The following HAT1 variants were observed in gnomAD, a reference collection of about 807,000 sequenced individuals.
The protein encoded by HAT1 is histone acetyltransferase type B catalytic subunit.
Under a neutral mutation model 56.6 loss-of-function variants are expected in HAT1, and 20 were observed. The ratio of observed to expected loss-of-function variants is 0.35; its 90% CI spans 0.25 to 0.51. The LOEUF is 0.51. HAT1 is among the 20% of genes least tolerant of loss of function. The pLI, the probability that HAT1 is intolerant of heterozygous loss-of-function variation, is 0.95. For missense variants in HAT1, 408 were observed against 504.3 expected, an observed-to-expected ratio of 0.81 and a Z score of 1.83; for synonymous variants, 146 against 165.5, an observed-to-expected ratio of 0.88 and a Z score of 0.91.
At chr2:171,956,002 G>A (rs1317230802) in intron 4 of HAT1, among the ~76,000 whole-genome samples, 4 of 151,580 alleles carry the variant, frequency 2.6e-5, no homozygotes, top group African/African-American at 9.7e-5. Context: ...CCGATATCGC[G>A]CCACTGCACT....
intron 8 of HAT1, among the ~76,000 whole-genome samples, chr2:171,970,500 T>A (rs1236082903): frequency 1.8e-4 from 1 of 5,590 alleles, no homozygotes; most frequent in African/African-American, 3.2e-4. Context: ...CAGTTTCTTT[T>A]TTTTTTTTTT....
At chr2:171,959,017 A>G (rs1687513422) in intron 4 of HAT1, among the ~76,000 whole-genome samples, 2 of 152,162 alleles carry the variant, frequency 1.3e-5, no homozygotes, top group East Asian at 3.9e-4. Flanking sequence ...CTTCCCAGCC[A>G]TGTTTGAGAT....
At chr2:171,974,788 G>C (rs1387032025) in intron 8 of HAT1, among the ~76,000 whole-genome samples, 1 of 152,166 alleles carries the variant, frequency 6.6e-6, no homozygotes, top group East Asian at 1.9e-4. Context: ...ATCATGAATT[G>C]ATGTTGGATT....
chr2:171,956,307 A>C (rs1687444703), intron 4 of HAT1, among the ~76,000 whole-genome samples: 1 of 149,576 alleles, frequency 6.7e-6, no homozygotes, highest in African/African-American at 2.4e-5. Context: ...GTATGGCGAA[A>C]ACCCATCTCT....
intron 8 of HAT1, among the ~76,000 whole-genome samples, chr2:171,973,350 A>G (rs1049011675): frequency 6.7e-6 from 1 of 148,242 alleles, no homozygotes; most frequent in African/African-American, 2.5e-5. Flanking sequence ...TTTGTTTATA[A>G]TGTCCCTTGT....
At chr2:171,978,922 CAAAA>C (rs3838506) in intron 9 of HAT1, among the ~76,000 whole-genome samples, 1 of 69,174 alleles carries the variant, frequency 1.4e-5, no homozygotes, top group Non-Finnish European at 2.8e-5. Context: ...CCCATTTCTA[CAAAA>C]AAAAAAAAAA....
intron 3 of HAT1, among the ~76,000 whole-genome samples, chr2:171,950,131 T>C (rs1331389509): frequency 6.6e-6 from 1 of 152,174 alleles, no homozygotes; most frequent in African/African-American, 2.4e-5. Context: ...TTTAACATCA[T>C]TGACATATTT....
At chr2:171,976,135 T>G in intron 8 of HAT1, 22 bp from the exon 9 acceptor site, 1 of 1,337,884 alleles carries the variant, frequency 7.5e-7, no homozygotes, top group Non-Finnish European at 9.8e-7. Flanking sequence ...AATGTTAATA[T>G]TATTCTGCTT....
intron 2 of HAT1, among the ~76,000 whole-genome samples, chr2:171,934,450 AAGTT>A (rs1229557538): frequency 2.6e-5 from 4 of 152,206 alleles, no homozygotes; most frequent in Non-Finnish European, 5.9e-5. Flanking sequence ...TTGCTGCAGT[AAGTT>A]AGAAGGTGTA....
chr2:171,942,982 T>G (rs1687055832), intron 2 of HAT1, among the ~76,000 whole-genome samples: 1 of 152,152 alleles, frequency 6.6e-6, no homozygotes, highest in Non-Finnish European at 1.5e-5. Flanking sequence ...GAAAATTAAT[T>G]TTTCACAATT....
intron 2 of HAT1, among the ~76,000 whole-genome samples, chr2:171,928,047 C>G (rs190867562): frequency 6.6e-6 from 1 of 152,222 alleles, no homozygotes; most frequent in African/African-American, 2.4e-5. Flanking sequence ...TCACCACACC[C>G]AGCTGATTTT....
rs1265077121 is a variant in HAT1, at chr2:171,979,295, A to G, written c.1024A>G (p.Met342Val). ...AATTCTTCGACTACTGGTAACTGACATGAGTGATGCCGAACAATACAGAAG... is the reference window on the plus strand; with the variant it reads ...AATTCTTCGACTACTGGTAACTGACGTGAGTGATGCCGAACAATACAGAAG... Reference protein sequence around the residue: ...YEILRLLVTDMSDAEQYRSYR... With the variant: ...YEILRLLVTDVSDAEQYRSYR... Residue 342 changes from methionine to valine, a missense_variant, in exon 10 of 11, where the codon ATG becomes GTG. Transcript: ENST00000264108. 1.2e-6 allele frequency: 2 copies of G among 1,607,318 alleles called. No homozygotes were observed. The highest frequency in any genetic ancestry group is 2.7e-5 in the African/African-American group (2 of 74,692).
chr2:171,946,609 G>C (rs2105319402), intron 2 of HAT1, 99 bp from the exon 3 acceptor site: 2 of 711,472 alleles, frequency 2.8e-6, no homozygotes, highest in East Asian at 5.4e-5. Flanking sequence ...AATGTTGGCT[G>C]TATCCTAGTT....
At chr2:171,935,747 G>A (rs1023526536) in intron 2 of HAT1, among the ~76,000 whole-genome samples, 1 of 151,724 alleles carries the variant, frequency 6.6e-6, no homozygotes, top group Admixed American at 6.6e-5. Flanking sequence ...GTGGAGGTGC[G>A]TGCTTGTGGT....
At chr2:171,982,441 T>C (rs1242366047) in intron 10 of HAT1, among the ~76,000 whole-genome samples, 1 of 152,220 alleles carries the variant, frequency 6.6e-6, no homozygotes. Flanking sequence ...CCATCTCTGC[T>C]GCTGCTGACT....
At chr2:171,977,846 C>G (rs1367092973) in intron 9 of HAT1, among the ~76,000 whole-genome samples, 1 of 151,674 alleles carries the variant, frequency 6.6e-6, no homozygotes, top group Non-Finnish European at 1.5e-5. Flanking sequence ...AGATAGTACT[C>G]ATTTTTTCAG....
At position 171,966,493 on chromosome 2, in the gene HAT1, C is replaced by A. The variant is rs772031603; in HGVS notation, c.696C>A (p.Asp232Glu). 1 of 1,565,008 alleles carries A rather than the reference C, an allele frequency of 6.4e-7. No homozygotes were observed. The highest frequency in any genetic ancestry group is 8.8e-7 in the Non-Finnish European group (1 of 1,135,164). The change falls in exon 7 of 11, where the codon GAC becomes GAA. Residue 232 changes from aspartate to glutamate, a missense_variant. Transcript: ENST00000264108. ...TCTATAATTACTATGTGTACCCAGA[C>A]AAAACCCGGCCACGTGTAAGGTAAT... ...MTVYNYYVYPDKTRPRVSQML... is the reference protein window; with the variant it reads ...MTVYNYYVYPEKTRPRVSQML...
chr2:171,968,498 A>G (rs1648601102), intron 8 of HAT1, among the ~76,000 whole-genome samples: 1 of 152,180 alleles, frequency 6.6e-6, no homozygotes, highest in African/African-American at 2.4e-5. Flanking sequence ...AGCACCAATT[A>G]GCAGATAAAG....
intron 1 of HAT1, 78 bp from the exon 2 acceptor site, chr2:171,925,459 C>T: frequency 1.4e-6 from 1 of 718,272 alleles, no homozygotes; most frequent in Non-Finnish European, 2.6e-6. Context: ...ACCCCTATTC[C>T]ACTTATAATA....
Sources: allele counts gnomAD v4.1 joint callset (sites outside exome capture counted in the v4.1 genomes callset), GRCh38; gene constraint gnomAD v4.1.1; transcripts MANE v1.5; gene names NCBI Gene and HGNC (gene_info 2026-07-23, HGNC 2026-07-21).